Variants in DOP1A observed in about 807,000 individuals in gnomAD.
DOP1A encodes DOP1 leucine zipper like protein A.
In DOP1A, 90 loss-of-function variants were observed where a neutral mutation model predicts 267.6. The ratio of observed to expected loss-of-function variants is 0.34; its 90% CI spans 0.28 to 0.40. The LOEUF (loss-of-function observed/expected upper bound fraction) is 0.40, where lower values mean the gene tolerates loss of function less well. DOP1A is among the 10% of genes least tolerant of loss of function. The probability of loss-of-function intolerance (pLI) is 1.00; values close to 1 mark genes in which losing one functional copy is unlikely to be tolerated. For synonymous variants in DOP1A, 932 were observed against 999.1 expected, an observed-to-expected ratio of 0.93 and a Z score of 1.27; for missense variants, 2,437 against 2,900.4, an observed-to-expected ratio of 0.84 and a Z score of 3.67.
intron 10 of DOP1A, among the ~76,000 whole-genome samples, chr6:83,121,257 A>G (rs927682578): frequency 3.3e-5 from 5 of 151,838 alleles, no homozygotes; most frequent in African/African-American, 1.2e-4. Context: ...AAATATTTAC[A>G]GCAATAAAAT....
intron 16 of DOP1A, 35 bp downstream of exon 16, chr6:83,129,543 T>C: frequency 2.8e-6 from 4 of 1,443,438 alleles, no homozygotes; most frequent in Non-Finnish European, 3.6e-6. Flanking sequence ...TATTTCAGTA[T>C]TGTCTGTAGT....
chr6:83,086,166 A>G (rs1339214294), intron 1 of DOP1A, among the ~76,000 whole-genome samples: 1 of 151,868 alleles, frequency 6.6e-6, no homozygotes, highest in Non-Finnish European at 1.5e-5. Flanking sequence ...ATAATTTTTG[A>G]CTCCCCAAAA....
intron 1 of DOP1A, chr6:83,073,083 TC>T (rs1244391045): frequency 4.2e-6 from 1 of 235,962 alleles, no homozygotes. Context: ...CACTTTTTTT[TC>T]CTTTTTCTTT....
chr6:83,132,470 A>C (rs978286907), intron 18 of DOP1A, 142 bp downstream of exon 18: 2 of 893,348 alleles, frequency 2.2e-6, no homozygotes, highest in Non-Finnish European at 3.1e-6. Flanking sequence ...CAGTGATCTT[A>C]ATATCTTTAA....
At chr6:83,143,257 T>G (rs2128288158) in intron 24 of DOP1A, among the ~76,000 whole-genome samples, 1 of 152,200 alleles carries the variant, frequency 6.6e-6, no homozygotes, top group South Asian at 2.1e-4. Context: ...ATAAAAATAG[T>G]GAAGTGTGGT....
intron 10 of DOP1A, among the ~76,000 whole-genome samples, chr6:83,121,637 A>G (rs1035102200): frequency 6.6e-6 from 1 of 151,746 alleles, no homozygotes; most frequent in African/African-American, 2.4e-5. Flanking sequence ...TGAGGAAACT[A>G]AAGCTCAAAG....
At chr6:83,152,670 T>TCA (rs1341960733) in intron 30 of DOP1A, among the ~76,000 whole-genome samples, 1 of 149,086 alleles carries the variant, frequency 6.7e-6, no homozygotes, top group Non-Finnish European at 1.5e-5. Context: ...CAGGCTGGAG[T>TCA]CAAGTGGGGT....
At chr6:83,106,806 T>A (rs1489819195) in intron 4 of DOP1A, among the ~76,000 whole-genome samples, 5 of 142,668 alleles carry the variant, frequency 3.5e-5, no homozygotes, top group African/African-American at 2.6e-5. Context: ...AGAGTCCATC[T>A]AAAAAAAAAA....
intron 18 of DOP1A, among the ~76,000 whole-genome samples, chr6:83,133,792 A>T (rs572571863): frequency 6.6e-6 from 1 of 152,260 alleles, no homozygotes; most frequent in South Asian, 2.1e-4. Flanking sequence ...GACAAAAAAT[A>T]TATAGTGCAA....
rs112292616 is a variant in DOP1A, at chr6:83,096,432, A to C, written c.-146-299A>C. Among the ~76,000 whole-genome samples the C allele has an allele frequency of 8.6e-3, 1,283 of 149,954 alleles. 17 individuals carry two copies. The highest frequency in any genetic ancestry group is 0.03 in the African/African-American group (1,223 of 40,570). ...TGTTCTTGTCAGTTTTATTCAAAGT[A>C]AAGTCTAATTCCAAACAGCTAATGG... is the stretch of plus-strand genomic sequence containing the variant. On this transcript the variant is annotated intron_variant, in intron 1 of 38. Transcript: ENST00000349129.
Position 83,067,740 on chromosome 6 carries a change from G to T in DOP1A, c.-186G>T, listed in dbSNP as rs991741216. 2 of 152,266 alleles carry T rather than the reference G, an allele frequency of 1.3e-5. No individual in the cohort carries two copies. The highest frequency in any genetic ancestry group is 2.9e-5 in the Non-Finnish European group (2 of 68,090). 9.4% of individuals were successfully genotyped at this position (152,266 alleles called of 1,614,324 possible). On this transcript the variant is annotated 5_prime_UTR_variant, in exon 1 of 39. In the 5' UTR this introduces an upstream ATG that the reference lacks. Transcript: ENST00000349129. ...CTCGGTGTAGCTGCCGTGGTTGCCA[G>T]GAGAGCTGCGCCGGCGAGAAGCGGC...
intron 4 of DOP1A, among the ~76,000 whole-genome samples, chr6:83,101,364 G>T (rs570167250): frequency 6.6e-6 from 1 of 152,252 alleles, no homozygotes; most frequent in African/African-American, 2.4e-5. Flanking sequence ...GAAAAATGTA[G>T]AACAGTCTTT....
chr6:83,170,694 A>G (rs148253093), downstream of DOP1A: 514 of 492,248 alleles, frequency 1.0e-3, 3 homozygotes, highest in African/African-American at 8.3e-3. Flanking sequence ...TATTTCCACA[A>G]ATGCTTAGAG....
At chr6:83,071,872 A>C (rs1785675164) in intron 1 of DOP1A, among the ~76,000 whole-genome samples, 1 of 152,178 alleles carries the variant, frequency 6.6e-6, no homozygotes, top group South Asian at 2.1e-4. Context: ...ATCAGAAAAC[A>C]AGTGGGAACC....
downstream of DOP1A, chr6:83,169,125 G>A: frequency 6.6e-7 from 1 of 1,517,546 alleles, no homozygotes; most frequent in Non-Finnish European, 8.8e-7. Context: ...AATCCAGTAG[G>A]CTGCATTGTA....
At chr6:83,087,626 G>A (rs1437025959) in intron 1 of DOP1A, among the ~76,000 whole-genome samples, 2 of 152,182 alleles carry the variant, frequency 1.3e-5, no homozygotes, top group African/African-American at 4.8e-5. Context: ...TTTACTAGCT[G>A]TATTGCATAT....
At chr6:83,108,660 CTGTTTTTGGAAT>C (rs1209133751) in intron 4 of DOP1A, among the ~76,000 whole-genome samples, 2 of 152,082 alleles carry the variant, frequency 1.3e-5, no homozygotes, top group African/African-American at 4.8e-5. Flanking sequence ...GGGGAGAATT[CTGTTTTTGGAAT>C]TGTGAAATAT....
intron 24 of DOP1A, among the ~76,000 whole-genome samples, chr6:83,144,172 C>A (rs138904322): frequency 6.6e-6 from 1 of 152,064 alleles, no homozygotes; most frequent in African/African-American, 2.4e-5. Flanking sequence ...GTAACTCCAC[C>A]GGAGGAGGAA....
chr6:83,077,804 T>G (rs1040448876), intron 1 of DOP1A, among the ~76,000 whole-genome samples: 5 of 152,360 alleles, frequency 3.3e-5, no homozygotes, highest in African/African-American at 1.2e-4. Context: ...CTGGGCCACA[T>G]TGGAAGAAGA....
Sources: allele counts gnomAD v4.1 joint callset (sites outside exome capture counted in the v4.1 genomes callset), GRCh38; gene constraint gnomAD v4.1.1; transcripts MANE v1.5; gene names NCBI Gene and HGNC (gene_info 2026-07-23, HGNC 2026-07-21).